The following GALNT14 variants were observed in gnomAD, a reference collection of about 807,000 sequenced individuals.
GALNT14 encodes the protein UDP-GalNAc:polypeptide N-acetylgalactosaminyltransferase 14.
GALNT14 carries 60 observed loss-of-function variants against 77.5 expected under a neutral mutation model. That is an observed-to-expected ratio of 0.77 (90% CI 0.63 to 0.96). The LOEUF is 0.96. GALNT14 is among the 40% of genes least tolerant of loss of function. GALNT14 has a pLI of 0.00. For missense variants in GALNT14, 710 were observed against 731.0 expected (o/e 0.97, Z 0.33); for synonymous variants, 280 against 281.7 (o/e 0.99, Z 0.06).
At chr2:30,962,058 G>A (rs906375714) in intron 3 of GALNT14, among the ~76,000 whole-genome samples, 2 of 152,092 alleles carry the variant, frequency 1.3e-5, no homozygotes, top group African/African-American at 4.8e-5. Flanking sequence ...GGGAGCTTCT[G>A]AAGCCTGCTC....
intron 2 of GALNT14, among the ~76,000 whole-genome samples, chr2:30,973,288 T>C (rs1441953874): frequency 6.6e-6 from 1 of 152,204 alleles, no homozygotes; most frequent in Non-Finnish European, 1.5e-5. Flanking sequence ...TCACCAGTGC[T>C]AGCACAGATG....
chr2:31,131,142 G>A (rs1009366539), intron 1 of GALNT14, among the ~76,000 whole-genome samples: 2 of 152,126 alleles, frequency 1.3e-5, no homozygotes, highest in South Asian at 2.1e-4. Flanking sequence ...ACTGCCAGTG[G>A]CCACACTGGC....
intron 3 of GALNT14, among the ~76,000 whole-genome samples, chr2:30,965,602 C>T (rs775040191): frequency 3.3e-5 from 5 of 152,128 alleles, no homozygotes; most frequent in African/African-American, 4.8e-5. Context: ...CAAAAACCCA[C>T]GCAGGCCAGA....
At chr2:31,082,820 C>A (rs548993620) in intron 1 of GALNT14, among the ~76,000 whole-genome samples, 2 of 152,250 alleles carry the variant, frequency 1.3e-5, no homozygotes, top group South Asian at 4.2e-4. Flanking sequence ...AAGACCGAGA[C>A]CATCCTGGCC....
intron 6 of GALNT14, among the ~76,000 whole-genome samples, chr2:30,953,326 TGA>T (rs1362668367): frequency 1.5e-5 from 2 of 137,690 alleles, no homozygotes; most frequent in African/African-American, 2.8e-5. Context: ...TTTTTTTTTT[TGA>T]GAGAGAGTCT....
At chr2:31,055,800 T>C (rs1438598920) in intron 1 of GALNT14, among the ~76,000 whole-genome samples, 1 of 152,194 alleles carries the variant, frequency 6.6e-6, no homozygotes, top group East Asian at 1.9e-4. Context: ...GCTTTATTTC[T>C]CTTATGAAAA....
chr2:30,994,395 G>A (rs1015859378), intron 1 of GALNT14, among the ~76,000 whole-genome samples: 12 of 152,346 alleles, frequency 7.9e-5, no homozygotes, highest in Non-Finnish European at 1.6e-4. Flanking sequence ...GGCAGGTTAA[G>A]AGGGGCTGCT....
In GALNT14 at chr2:31,096,113, T is replaced by C. The variant is rs574054131; in HGVS notation, c.129+41845A>G. 1.8e-4 allele frequency among the ~76,000 whole-genome samples: 28 copies of C among 152,266 alleles called. 1 individual carries two copies. The highest frequency in any genetic ancestry group is 3.7e-4 in the Non-Finnish European group (25 of 68,016). On this transcript the variant is annotated intron_variant, in intron 1 of 14. Coordinates refer to ENST00000349752, the MANE Select transcript of GALNT14 (RefSeq NM_024572.4). ...AACAATGGATCGAGTCACTCTAACA[T>C]GGAATCACTCTGACTTCCTCTTCTG... is the stretch of plus-strand genomic sequence containing the variant.
At chr2:30,950,727 G>T (rs911767812) in intron 6 of GALNT14, among the ~76,000 whole-genome samples, 1 of 152,236 alleles carries the variant, frequency 6.6e-6, no homozygotes, top group Non-Finnish European at 1.5e-5. Context: ...TGCTACAAAA[G>T]CTTTAGCTCA....
At chr2:30,913,884 T>TAG (rs1664517565) in intron 13 of GALNT14, among the ~76,000 whole-genome samples, 1 of 152,232 alleles carries the variant, frequency 6.6e-6, no homozygotes, top group African/African-American at 2.4e-5. Flanking sequence ...TCTGTATCTA[T>TAG]AGATATTTGA....
chr2:31,083,821 G>C (rs113029388), intron 1 of GALNT14, among the ~76,000 whole-genome samples: 12 of 152,302 alleles, frequency 7.9e-5, no homozygotes, highest in African/African-American at 2.4e-4. Context: ...TGTGTGATCT[G>C]AGGACAGGGC....
intron 1 of GALNT14, among the ~76,000 whole-genome samples, chr2:31,082,564 G>T (rs1676207993): frequency 6.6e-6 from 1 of 152,194 alleles, no homozygotes. Context: ...TTATGCAAGG[G>T]TTGATCAGGT....
chr2:30,918,346 C>CCA (rs1363027027), intron 13 of GALNT14, among the ~76,000 whole-genome samples: 1 of 152,202 alleles, frequency 6.6e-6, no homozygotes, highest in African/African-American at 2.4e-5. Context: ...CAACTCTGTA[C>CCA]CACAGTTCCC....
intron 1 of GALNT14, among the ~76,000 whole-genome samples, chr2:31,049,975 C>T (rs920320545): frequency 1.3e-5 from 2 of 151,990 alleles, no homozygotes; most frequent in Non-Finnish European, 2.9e-5. Flanking sequence ...GGTGGGAGGG[C>T]CAAATGAACA....
At chr2:31,103,187 C>T (rs1027928281) in intron 1 of GALNT14, among the ~76,000 whole-genome samples, 4 of 145,454 alleles carry the variant, frequency 2.8e-5, no homozygotes, top group African/African-American at 7.8e-5. Flanking sequence ...GCATTATTTT[C>T]GTCTTTCTGT....
intron 1 of GALNT14, among the ~76,000 whole-genome samples, chr2:31,076,274 C>A (rs1248004802): frequency 2.0e-5 from 3 of 152,192 alleles, no homozygotes; most frequent in African/African-American, 7.2e-5. Flanking sequence ...TTCTATGACT[C>A]ATATTCTCTG....
Position 31,041,392 on chromosome 2 carries a change from C to T in GALNT14, c.130-48385G>A, listed in dbSNP as rs532696547. Among the ~76,000 whole-genome samples, 90 of 152,256 alleles carry T rather than the reference C, an allele frequency of 5.9e-4. 1 individual carries two copies. The highest frequency in any genetic ancestry group is 1.9e-3 in the African/African-American group (78 of 41,560). On this transcript the variant is annotated intron_variant, in intron 1 of 14. Transcript: ENST00000349752. ...CTCTAAAGAAGATGAGGTGCTTGGG[C>T]TGTTCTTGGAAAGATGGACAGGATT...
At chr2:31,081,544 A>G (rs1312258192) in intron 1 of GALNT14, among the ~76,000 whole-genome samples, 1 of 152,264 alleles carries the variant, frequency 6.6e-6, no homozygotes, top group Non-Finnish European at 1.5e-5. Flanking sequence ...ACACATTTTT[A>G]CACTTACAGC....
At chr2:31,080,164 G>A (rs977735621) in intron 1 of GALNT14, among the ~76,000 whole-genome samples, 6 of 152,332 alleles carry the variant, frequency 3.9e-5, no homozygotes, top group East Asian at 1.9e-4. Context: ...AGTAACTCAA[G>A]TGGGTCTGGC....
Sources: allele counts gnomAD v4.1 joint callset (sites outside exome capture counted in the v4.1 genomes callset), GRCh38; gene constraint gnomAD v4.1.1; transcripts MANE v1.5; gene names NCBI Gene and HGNC (gene_info 2026-07-23, HGNC 2026-07-21).